The following SYT9 variants were observed in gnomAD, a reference collection of about 807,000 sequenced individuals.
SYT9 encodes synaptotagmin 9, also known as synaptotagmin-9.
A neutral mutation model predicts 48.4 loss-of-function variants in SYT9; 22 were observed. That is an observed-to-expected ratio of 0.45 (90% confidence interval 0.32 to 0.65). The LOEUF is 0.65. Ranked by LOEUF, SYT9 falls within the 30% of genes least tolerant of loss-of-function variation. The pLI is 0.03. For synonymous variants in SYT9, 265 were observed against 245.0 expected (o/e 1.08, Z -0.76); for missense variants, 577 against 622.0 (o/e 0.93, Z 0.77).
intron 1 of SYT9, among the ~76,000 whole-genome samples, chr11:7,264,832 T>A (rs1414659338): frequency 2.6e-5 from 4 of 152,002 alleles, no homozygotes; most frequent in African/African-American, 9.7e-5. Flanking sequence ...ACAAAAGTAG[T>A]TTTGGAGAGA....
intron 3 of SYT9, among the ~76,000 whole-genome samples, chr11:7,346,581 G>A (rs1849804681): frequency 6.6e-6 from 1 of 152,216 alleles, no homozygotes. Flanking sequence ...ATATGGAAGA[G>A]CCTCTGCCTT....
upstream of SYT9, among the ~76,000 whole-genome samples, chr11:7,247,215 G>A (rs992057785): frequency 2.6e-5 from 4 of 152,004 alleles, no homozygotes; most frequent in East Asian, 3.9e-4. Flanking sequence ...AGCACTATAC[G>A]CTGCACCCTA....
At chr11:7,356,608 T>G (rs1388852433) in intron 3 of SYT9, among the ~76,000 whole-genome samples, 1 of 152,214 alleles carries the variant, frequency 6.6e-6, no homozygotes, top group African/African-American at 2.4e-5. Context: ...AACATCTGAC[T>G]TGAGAACATT....
Position 7,283,164 on chromosome 11 carries a change from T to C in SYT9, c.146-19875T>C, listed in dbSNP as rs536192705. ...ATGTGTGTGTATATATATATATATA[T>C]ACACACACACACACACACAGCCTAA... On this transcript the variant is annotated intron_variant, in intron 1 of 6. Transcript: ENST00000318881. Among the ~76,000 whole-genome samples the C allele has an allele frequency of 6.6e-3, 909 of 138,394 alleles. 3 individuals carry two copies. Among genetic ancestry groups the C allele is most frequent in the East Asian group, 0.025 (120 of 4,862 alleles). The allele number at this position is 138,394 out of a possible 152,430, so 90.8% of individuals were successfully genotyped here.
intron 3 of SYT9, among the ~76,000 whole-genome samples, chr11:7,325,044 A>G (rs961412589): frequency 6.6e-6 from 1 of 152,090 alleles, no homozygotes; most frequent in Non-Finnish European, 1.5e-5. Context: ...TCTTTTCAAC[A>G]TTTTGTTATT....
intron 3 of SYT9, among the ~76,000 whole-genome samples, chr11:7,390,984 C>T (rs1253820652): frequency 1.3e-5 from 2 of 152,090 alleles, no homozygotes; most frequent in African/African-American, 4.8e-5. Context: ...CTCCCTTCCT[C>T]CCTCCGTTTG....
At chr11:7,251,099 GACACAC>G (rs369736479), upstream of SYT9, among the ~76,000 whole-genome samples, 341 of 131,992 alleles carry the variant, frequency 2.6e-3, 2 homozygotes, top group Non-Finnish European at 2.7e-3. Flanking sequence ...GTGGCACAGT[GACACAC>G]ACACACACAC....
intron 1 of SYT9, among the ~76,000 whole-genome samples, chr11:7,288,298 A>AAC (rs1848634614): frequency 6.6e-6 from 1 of 151,700 alleles, no homozygotes; most frequent in Non-Finnish European, 1.5e-5. Flanking sequence ...GTAAAAAAAA[A>AAC]AAAACTCTTC....
intron 6 of SYT9, among the ~76,000 whole-genome samples, chr11:7,452,266 C>T (rs903656418): frequency 6.6e-6 from 1 of 152,134 alleles, no homozygotes; most frequent in African/African-American, 2.4e-5. Flanking sequence ...TGCTTGTTGC[C>T]ACATTGGCCT....
intron 3 of SYT9, among the ~76,000 whole-genome samples, chr11:7,362,300 A>G (rs1447333209): frequency 6.6e-6 from 1 of 151,752 alleles, no homozygotes; most frequent in African/African-American, 2.4e-5. Context: ...CTGCACCACC[A>G]TGCCTGGCTA....
intron 3 of SYT9, among the ~76,000 whole-genome samples, chr11:7,316,116 A>C (rs978954869): frequency 6.6e-6 from 1 of 150,904 alleles, no homozygotes; most frequent in Non-Finnish European, 1.5e-5. Flanking sequence ...ATTTGCCATG[A>C]TTCTCTTTTT....
intron 3 of SYT9, among the ~76,000 whole-genome samples, chr11:7,378,261 G>T (rs1850493279): frequency 6.6e-6 from 1 of 152,176 alleles, no homozygotes; most frequent in African/African-American, 2.4e-5. Context: ...TTGGAGAATT[G>T]AGTATGTTAG....
chr11:7,378,117 A>AC (rs1181561570), intron 3 of SYT9, among the ~76,000 whole-genome samples: 2 of 52,158 alleles, frequency 3.8e-5, no homozygotes, highest in African/African-American at 1.7e-4. Flanking sequence ...CTTCAAAGAT[A>AC]CAAAAAAAAA....
chr11:7,316,609 A>C (rs531903587), intron 3 of SYT9, among the ~76,000 whole-genome samples: 2 of 152,338 alleles, frequency 1.3e-5, no homozygotes, highest in African/African-American at 4.8e-5. Context: ...GAGATTTTGT[A>C]CACATCTTTT....
intron 3 of SYT9, among the ~76,000 whole-genome samples, chr11:7,379,031 C>G (rs1181474881): frequency 6.6e-6 from 1 of 152,068 alleles, no homozygotes; most frequent in East Asian, 1.9e-4. Flanking sequence ...TTTTTCATCT[C>G]CAGTTACTTT....
At chr11:7,326,507 T>A (rs1260565190) in intron 3 of SYT9, among the ~76,000 whole-genome samples, 1 of 151,022 alleles carries the variant, frequency 6.6e-6, no homozygotes, top group Non-Finnish European at 1.5e-5. Flanking sequence ...TCTCTCTTTT[T>A]TTCTTTATTA....
chr11:7,454,934 C>T (rs1848120542), intron 6 of SYT9, among the ~76,000 whole-genome samples: 1 of 152,184 alleles, frequency 6.6e-6, no homozygotes, highest in African/African-American at 2.4e-5. Flanking sequence ...CTGAGAGATA[C>T]ATGCCGTGGC....
At chr11:7,264,755 A>G (rs954918353) in intron 1 of SYT9, among the ~76,000 whole-genome samples, 2 of 152,130 alleles carry the variant, frequency 1.3e-5, no homozygotes, top group African/African-American at 2.4e-5. Flanking sequence ...ACAGGAGCTC[A>G]AAGAACTACA....
At chr11:7,251,130 ACAC>A (rs1847859887), upstream of SYT9, among the ~76,000 whole-genome samples, 1 of 127,230 alleles carries the variant, frequency 7.9e-6, no homozygotes, top group Non-Finnish European at 1.8e-5. Context: ...ACACACACAC[ACAC>A]CCAGAGTACT....
Sources: gnomAD v4.1 joint callset for allele counts (sites outside exome capture counted in the v4.1 genomes callset) on GRCh38, gnomAD v4.1.1 for gene constraint, MANE v1.5 for transcripts, NCBI Gene and HGNC (gene_info 2026-07-23, HGNC 2026-07-21) for gene names.